The following STK32C variants were observed in gnomAD, a reference collection of about 807,000 sequenced individuals.
STK32C encodes serine/threonine kinase 32C.
In STK32C, 31 loss-of-function variants were observed where a neutral mutation model predicts 56.5. The observed-to-expected ratio is 0.55, with a 90% CI of 0.41 to 0.74. The LOEUF (loss-of-function observed/expected upper bound fraction) is 0.74, where lower values mean the gene tolerates loss of function less well. Among genes scored for constraint, STK32C ranks in the 30% least tolerant of loss-of-function variants. The pLI is 0.00. For missense variants in STK32C, 544 were observed against 676.9 expected (o/e 0.80, Z 2.18); for synonymous variants, 309 against 289.4 (o/e 1.07, Z -0.69).
intron 10 of STK32C, among the ~76,000 whole-genome samples, chr10:132,210,282 G>C (rs2062250673): frequency 6.6e-6 from 1 of 152,118 alleles, no homozygotes; most frequent in Non-Finnish European, 1.5e-5. Context: ...TCCTATTTTT[G>C]GTCTCGCTCT....
At chr10:132,279,399 T>C (rs75115587) in intron 1 of STK32C, among the ~76,000 whole-genome samples, 15,317 of 152,122 alleles carry the variant, frequency 0.1, 1,102 homozygotes, top group African/African-American at 0.21. Flanking sequence ...CAGAACACTC[T>C]GCACACAACA....
Position 132,307,503 on chromosome 10 carries a change from A to C in STK32C, c.262+69T>G. 6.8e-7 allele frequency: 1 copy of C among 1,461,074 alleles called. No individual in the cohort carries two copies. 90.5% of individuals were successfully genotyped at this position (1,461,074 alleles called of 1,614,324 possible). A position where few individuals can be genotyped will look rare whatever the true frequency, so the allele number is the denominator to read the frequency against. ...ACACCGGGGGAACCCCTGCGGGAAA[A>C]AGCCGCCCAGCCGCGCCCGCCCCTG... On this transcript the variant is annotated intron_variant, in intron 1 of 11. Transcript: ENST00000298630. The surrounding 1 kb of genome is among the most constrained non-coding windows in gnomAD (Gnocchi z 4.4).
At chr10:132,269,885 T>C (rs574020301) in intron 1 of STK32C, among the ~76,000 whole-genome samples, 1 of 152,354 alleles carries the variant, frequency 6.6e-6, no homozygotes, top group African/African-American at 2.4e-5. Flanking sequence ...CCATAATAGC[T>C]GACACCCACC....
chr10:132,259,323 C>G (rs1288427173), intron 1 of STK32C, among the ~76,000 whole-genome samples: 1 of 152,210 alleles, frequency 6.6e-6, no homozygotes, highest in Non-Finnish European at 1.5e-5. Flanking sequence ...TGGTTTGGCT[C>G]TATGTCCCCA....
chr10:132,267,806 TCC>T (rs2064620310), intron 1 of STK32C, among the ~76,000 whole-genome samples: 1 of 101,550 alleles, frequency 9.8e-6, no homozygotes. Context: ...TGCATGCATG[TCC>T]CACATCGTGT....
At chr10:132,245,770 A>G in intron 2 of STK32C, 130 bp downstream of exon 2, 2 of 878,094 alleles carry the variant, frequency 2.3e-6, no homozygotes, top group Non-Finnish European at 3.6e-6. Flanking sequence ...AAAGACCTGG[A>G]GCCTCTGCCC....
intron 1 of STK32C, among the ~76,000 whole-genome samples, chr10:132,329,571 T>C (rs1016465164): frequency 6.6e-6 from 1 of 152,198 alleles, no homozygotes; most frequent in Non-Finnish European, 1.5e-5. Flanking sequence ...TGCGGTTTTA[T>C]TTAAAAACTC....
At chr10:132,291,414 G>A (rs1325479534) in intron 1 of STK32C, among the ~76,000 whole-genome samples, 1 of 152,152 alleles carries the variant, frequency 6.6e-6, no homozygotes, top group African/African-American at 2.4e-5. Context: ...GGACCCAGGA[G>A]CCCTGTGGAC....
At chr10:132,217,381 G>A (rs2062505269) in intron 10 of STK32C, among the ~76,000 whole-genome samples, 1 of 152,212 alleles carries the variant, frequency 6.6e-6, no homozygotes, top group Non-Finnish European at 1.5e-5. Context: ...TTGTATCTAG[G>A]AAGTCACTTG....
chr10:132,298,591 C>T (rs2065823663), intron 1 of STK32C, among the ~76,000 whole-genome samples: 1 of 151,810 alleles, frequency 6.6e-6, no homozygotes, highest in African/African-American at 2.4e-5. Context: ...CTGCTCAGCT[C>T]ACTGGGGAGG....
intron 1 of STK32C, among the ~76,000 whole-genome samples, chr10:132,314,326 C>T (rs1246016843): frequency 1.3e-5 from 2 of 152,216 alleles, no homozygotes; most frequent in Non-Finnish European, 2.9e-5. Flanking sequence ...TGGTGTTTTA[C>T]AGCTCAGGTT....
intron 11 of STK32C, 118 bp downstream of exon 11, chr10:132,208,916 G>A: frequency 2.2e-6 from 2 of 906,814 alleles, no homozygotes; most frequent in South Asian, 3.1e-5. Context: ...TCCCCAAAGA[G>A]AGCAGGGCCA....
intron 8 of STK32C, among the ~76,000 whole-genome samples, chr10:132,223,255 A>G (rs2062749640): frequency 1.3e-5 from 2 of 152,220 alleles, no homozygotes; most frequent in South Asian, 4.1e-4. Context: ...AGGGATCTGC[A>G]GGGAAGGCTC....
At chr10:132,320,869 C>A (rs1003216289), downstream of STK32C, among the ~76,000 whole-genome samples, 1 of 152,222 alleles carries the variant, frequency 6.6e-6, no homozygotes, top group African/African-American at 2.4e-5. Flanking sequence ...TTCCTACAGT[C>A]CTGGCGCATC....
rs10556901 is a variant in STK32C at position 132,281,178 on chromosome 10, G to GACACACAC, written c.262+26386_262+26393dup. 3.9e-3 allele frequency among the ~76,000 whole-genome samples: 578 copies of GACACACAC among 149,426 alleles called. 1 individual carries two copies. The highest frequency in any genetic ancestry group is 9.5e-3 in the African/African-American group (385 of 40,490). On this transcript the variant is annotated intron_variant, in intron 1 of 11. Coordinates refer to ENST00000298630, the MANE Select transcript of STK32C (RefSeq NM_173575.4). ...TAAACACACACACGTGATCCTCGTG[G>GACACACAC]ACACACACACACACACACACACACA... is the stretch of plus-strand genomic sequence containing the variant.
rs985409139 is a variant in STK32C at position 132,300,540 on chromosome 10, G to T, written c.262+7032C>A. Among the ~76,000 whole-genome samples the T allele has an allele frequency of 2.6e-5, 4 of 152,242 alleles. 1 individual carries two copies. The highest frequency in any genetic ancestry group is 2.6e-4 in the Admixed American group (4 of 15,286). ...AAAACAATAGATTTCAAATCAATGA[G>T]GAAACTGTTTTCTGATGAAGCAGGC... On this transcript the variant is annotated intron_variant, in intron 1 of 11. Coordinates refer to ENST00000298630, the MANE Select transcript of STK32C (RefSeq NM_173575.4).
At chr10:132,266,084 A>C (rs1311053531) in intron 1 of STK32C, among the ~76,000 whole-genome samples, 3 of 152,254 alleles carry the variant, frequency 2.0e-5, no homozygotes, top group Non-Finnish European at 2.9e-5. Context: ...CCAAACGTCC[A>C]TCAAGAGGAT....
In STK32C at chr10:132,225,510, C is replaced by T. The variant is rs761340807; in HGVS notation, c.772+17G>A. 5 of 1,613,690 alleles carry T rather than the reference C, an allele frequency of 3.1e-6. No individual in the cohort carries two copies. The highest frequency in any genetic ancestry group is 4.2e-6 in the Non-Finnish European group (5 of 1,179,976). ...GGAGGAAGCCAGCTCCCATCTGGAA[C>T]CCCAGCTCGGGCTCACCCATGTACG... On this transcript the variant is annotated intron_variant, in intron 6 of 11. Coordinates refer to ENST00000298630, the MANE Select transcript of STK32C (RefSeq NM_173575.4).
At chr10:132,238,040 A>G (rs1177528794) in intron 2 of STK32C, among the ~76,000 whole-genome samples, 1 of 151,830 alleles carries the variant, frequency 6.6e-6, no homozygotes, top group African/African-American at 2.4e-5. Flanking sequence ...TCCCAGAGAA[A>G]AGGCAGCTGC....
Sources: gnomAD v4.1 joint callset for allele counts (sites outside exome capture counted in the v4.1 genomes callset) on GRCh38, gnomAD v4.1.1 for gene constraint, Gnocchi (gnomAD v3.1) non-coding constraint, MANE v1.5 for transcripts, NCBI Gene and HGNC (gene_info 2026-07-23, HGNC 2026-07-21) for gene names.